The following ARHGEF18 variants were observed in gnomAD, a reference collection of about 807,000 sequenced individuals.
The protein encoded by ARHGEF18 is rho guanine nucleotide exchange factor 18.
A neutral mutation model predicts 155.7 loss-of-function variants in ARHGEF18; 93 were observed. That is an observed-to-expected ratio of 0.60 (90% confidence interval 0.50 to 0.71). ARHGEF18 has a LOEUF of 0.71. ARHGEF18 is among the 30% of genes least tolerant of loss of function. ARHGEF18 has a pLI of 0.00. For synonymous variants in ARHGEF18, 742 were observed against 753.1 expected (o/e 0.99, Z 0.24); for missense variants, 1,593 against 1,816.1 (o/e 0.88, Z 2.23).
downstream of ARHGEF18, among the ~76,000 whole-genome samples, chr19:7,476,516 A>C (rs1355739346): frequency 6.6e-6 from 1 of 152,178 alleles, no homozygotes; most frequent in Non-Finnish European, 1.5e-5. Flanking sequence ...TGGGAGCCCC[A>C]AGTATCTTCA....
intron 10 of ARHGEF18, among the ~76,000 whole-genome samples, chr19:7,385,871 C>CTCTCT (rs1568285796): frequency 1.5e-5 from 1 of 66,676 alleles, no homozygotes; most frequent in African/African-American, 1.0e-4. Flanking sequence ...CTCTCTCTCT[C>CTCTCT]CCCCCTCCCT....
chr19:7,442,862 TCAC>T, intron 13 of ARHGEF18, among the ~76,000 whole-genome samples: 1 of 152,232 alleles, frequency 6.6e-6, no homozygotes, highest in South Asian at 2.1e-4. Flanking sequence ...GGCTGTGTCC[TCAC>T]AAGGTCTTCA....
At chr19:7,429,307 C>G (rs541430227) in intron 10 of ARHGEF18, among the ~76,000 whole-genome samples, 1 of 152,252 alleles carries the variant, frequency 6.6e-6, no homozygotes, top group East Asian at 1.9e-4. Context: ...AGCCCCAAAG[C>G]CCGTTAAACA....
chr19:7,361,424 T>TGA (rs1969542843), intron 1 of ARHGEF18, among the ~76,000 whole-genome samples: 1 of 151,318 alleles, frequency 6.6e-6, no homozygotes, highest in Admixed American at 6.6e-5. Flanking sequence ...GGCAACAGAG[T>TGA]GAGGCTCTAT....
At chr19:7,424,695 T>C (rs1174842613) in intron 10 of ARHGEF18, among the ~76,000 whole-genome samples, 2 of 152,188 alleles carry the variant, frequency 1.3e-5, no homozygotes, top group African/African-American at 4.8e-5. Flanking sequence ...GTACTATTCA[T>C]TAAGAAGGCT....
chr19:7,467,400 G>C lies in ARHGEF18; in HGVS notation c.3196G>C (p.Glu1066Gln), dbSNP rs767689418. 13 of 1,532,770 alleles carry C rather than the reference G, an allele frequency of 8.5e-6. No individual in the cohort carries two copies. In the South Asian group the frequency reaches 1.4e-4, roughly 17 times the overall value. 94.9% of individuals were successfully genotyped at this position (1,532,770 alleles called of 1,614,324 possible). A position where few individuals can be genotyped will look rare whatever the true frequency, so the allele number is the denominator to read the frequency against. ...LEKLQSQLRH[E>Q]QQRWERERQW... ...GAAGCTGCAGAGCCAGCTGCGGCAC[G>C]AGCAGCAGCGCTGGGAGCGCGAGCG... The change falls in exon 26 of 29, where the codon GAG (glutamate) becomes CAG (glutamine). Residue 1066 changes from glutamate to glutamine, a missense_variant. By Grantham distance (29) the Glu-to-Gln change is conservative. Transcript: ENST00000668164.
At position 7,462,259 on chromosome 19, in the gene ARHGEF18, C is replaced by T. The variant is rs1064793000; in HGVS notation, c.2560C>T (p.Arg854Ter). The change falls in exon 21 of 29, where the codon CGA becomes TGA. Residue 854 changes from arginine (R) to a stop codon, truncating the protein, a stop_gained. Coordinates refer to ENST00000668164, the MANE Select transcript of ARHGEF18 (RefSeq NM_001367823.1). LOFTEE classifies it high-confidence loss of function. This position sits in a 1 kb window ranked among gnomAD's most constrained non-coding sequence, Gnocchi z 4.4. ...MGGLEDLPQP[R>*]GLFRGGDPSE... is the part of the protein sequence containing the mutation. ...CGGCCTCGAAGACCTGCCCCAGCCC[C>T]GAGGCCTATTCCGTGGAGGGGACCC... 5.6e-6 allele frequency: 9 copies of T among 1,613,688 alleles called. No individual in the cohort carries two copies. Among genetic ancestry groups the T allele is most frequent in the Admixed American group, 1.7e-5 (1 of 59,986 alleles).
chr19:7,430,327 G>A (rs539001463), intron 10 of ARHGEF18, among the ~76,000 whole-genome samples: 21 of 151,702 alleles, frequency 1.4e-4, no homozygotes, highest in Admixed American at 2.0e-4. Context: ...TCAGCCTCCC[G>A]AGTGCTCAGG....
intron 10 of ARHGEF18, among the ~76,000 whole-genome samples, chr19:7,438,975 C>A (rs1317116659): frequency 6.6e-6 from 1 of 151,982 alleles, no homozygotes; most frequent in Non-Finnish European, 1.5e-5. Context: ...CGGGTTCAAG[C>A]GATTCCGTGC....
In ARHGEF18 at chr19:7,453,636, C is replaced by T. The variant is rs2145845814; in HGVS notation, c.2025C>T (p.Phe675=). The T allele has an allele frequency of 6.2e-7, 1 of 1,612,066 alleles. No homozygotes were observed. The highest frequency in any genetic ancestry group is 2.2e-5 in the East Asian group (1 of 44,808). ...SSSKLKNGLT[F]RKEDMLQRQL... ...GCAAACTCAAGAACGGGCTCACCTT[C>T]CGCAAGGAAGACATGCTTCAGCGGC... Residue 675 remains phenylalanine (F), a synonymous_variant, in exon 17 of 29, where the codon TTC becomes TTT. Coordinates refer to ENST00000668164, the MANE Select transcript of ARHGEF18 (RefSeq NM_001367823.1).
chr19:7,445,685 T>C (rs1222515253), intron 14 of ARHGEF18, among the ~76,000 whole-genome samples: 1 of 152,154 alleles, frequency 6.6e-6, no homozygotes, highest in African/African-American at 2.4e-5. Context: ...AGTGGTGCAA[T>C]GTCGGCTCAC....
downstream of ARHGEF18, among the ~76,000 whole-genome samples, chr19:7,474,754 A>AGTGAGT (rs796866599): frequency 2.8e-5 from 4 of 141,970 alleles, no homozygotes; most frequent in African/African-American, 8.2e-5. Context: ...TGGGCATTGG[A>AGTGAGT]GTGTGTGTGT....
chr19:7,391,258 G>A (rs1242939339), intron 10 of ARHGEF18, among the ~76,000 whole-genome samples: 7 of 151,912 alleles, frequency 4.6e-5, no homozygotes, highest in South Asian at 2.1e-4. Flanking sequence ...AGTCTGTCCC[G>A]TTTCCTCCCG....
chr19:7,380,735 A>G (rs906916005), intron 7 of ARHGEF18, among the ~76,000 whole-genome samples, 182 bp from the exon 8 acceptor site: 3 of 152,178 alleles, frequency 2.0e-5, no homozygotes, highest in Admixed American at 6.5e-5. Context: ...TGTTTAGCCA[A>G]GACACATTAC....
At chr19:7,465,496 C>G (rs899880629) in intron 23 of ARHGEF18, among the ~76,000 whole-genome samples, 2 of 150,148 alleles carry the variant, frequency 1.3e-5, no homozygotes, top group Non-Finnish European at 3.0e-5. Context: ...CAGCCTCTAA[C>G]TCCTAGGCTC....
rs746816536 is a variant in ARHGEF18, at chr19:7,466,960, G to A, written c.2947G>A (p.Val983Ile). Residue 983 changes from valine (V) to isoleucine (I), a missense_variant, in exon 24 of 29, where the codon GTC becomes ATC. Val to Ile is a conservative substitution (Grantham distance 29, BLOSUM62 3). Coordinates refer to ENST00000668164, the MANE Select transcript of ARHGEF18 (RefSeq NM_001367823.1). ...GGAATCCGATCCCCGTCTGCCCACC[G>A]TCCTGGAGTCGGAGGTAGGCGCCCG... ...GTESDPRLPT[V>I]LESELVQRIQ... 7 of 1,613,292 alleles carry A rather than the reference G, an allele frequency of 4.3e-6. No homozygotes were observed. In the Admixed American group the frequency reaches 6.7e-5, roughly 15 times the overall value.
At chr19:7,451,656 C>T (rs1242178972) in intron 16 of ARHGEF18, among the ~76,000 whole-genome samples, 3 of 151,848 alleles carry the variant, frequency 2.0e-5, no homozygotes, top group African/African-American at 7.3e-5. Context: ...TTCAAGTGAT[C>T]CTCCCACCTC....
intron 27 of ARHGEF18, 126 bp downstream of exon 27, chr19:7,469,257 A>T: frequency 8.1e-7 from 1 of 1,241,362 alleles, no homozygotes; most frequent in Non-Finnish European, 1.1e-6. Flanking sequence ...CAGAAGGCAC[A>T]GCTGGCATCG....
chr19:7,407,496 T>C (rs1196448191), intron 10 of ARHGEF18, among the ~76,000 whole-genome samples: 2 of 151,990 alleles, frequency 1.3e-5, no homozygotes, highest in East Asian at 3.9e-4. Flanking sequence ...CATGGGCAAT[T>C]TCAAGCGTCT....
Sources: allele counts gnomAD v4.1 joint callset (sites outside exome capture counted in the v4.1 genomes callset), GRCh38; gene constraint gnomAD v4.1.1; non-coding constraint Gnocchi (gnomAD v3.1); transcripts MANE v1.5; gene names NCBI Gene and HGNC (gene_info 2026-07-23, HGNC 2026-07-21).